The following CAND1 variants were observed in gnomAD, a reference collection of about 807,000 sequenced individuals.
CAND1 encodes cullin-associated NEDD8-dissociated protein 1.
CAND1 carries 7 observed loss-of-function variants against 108.5 expected under a neutral mutation model. The ratio of observed to expected loss-of-function variants is 0.06; its 90% CI spans 0.04 to 0.12. The LOEUF (loss-of-function observed/expected upper bound fraction) is 0.12. Ranked by LOEUF, CAND1 falls within the 10% of genes least tolerant of loss-of-function variation. The pLI is 1.00. For missense variants in CAND1, 941 were observed against 1,448.7 expected (o/e 0.65, Z 5.69); for synonymous variants, 534 against 512.0 (o/e 1.04, Z -0.58).
Position 67,292,772 on chromosome 12 carries a change from C to A in CAND1, c.363C>A (p.Ser121=). 6.2e-7 allele frequency: 1 copy of A among 1,612,882 alleles called. No homozygotes were observed. Among genetic ancestry groups the A allele is most frequent in the Non-Finnish European group, 8.5e-7 (1 of 1,179,608 alleles). The change falls in exon 3 of 15, where the codon TCC becomes TCA. Residue 121 remains serine, a synonymous_variant. Transcript: ENST00000545606. ...KTVIGELPPA[S]SGSALAANVC... is the part of the protein sequence containing the mutation. ...TAATTGGAGAACTTCCTCCAGCTTC[C>A]AGTGGTAAGCAAGAGCACATTTTTC...
chr12:67,277,886 G>T (rs1252405), intron 1 of CAND1, among the ~76,000 whole-genome samples: 74,455 of 151,832 alleles, frequency 0.49, 19,542 homozygotes, highest in Non-Finnish European at 0.59. Context: ...CTCCTAACTA[G>T]TCTCCATTCA....
intron 1 of CAND1, among the ~76,000 whole-genome samples, chr12:67,277,102 C>G (rs1159087867): frequency 6.6e-6 from 1 of 152,176 alleles, no homozygotes; most frequent in African/African-American, 2.4e-5. Flanking sequence ...CCTTTTACTT[C>G]TTTCCTGCTA....
chr12:67,288,475 A>G (rs1488007309), intron 2 of CAND1, among the ~76,000 whole-genome samples: 3 of 152,138 alleles, frequency 2.0e-5, no homozygotes, highest in Non-Finnish European at 4.4e-5. Context: ...GTTGAGAAGG[A>G]TGTTAAAACT....
At chr12:67,270,205 C>T (rs1190439142) in intron 1 of CAND1, 2 of 169,904 alleles carry the variant, frequency 1.2e-5, no homozygotes, top group Non-Finnish European at 2.5e-5. Context: ...GCCTTGCTCG[C>T]TGGGGCCCAA....
intron 4 of CAND1, 43 bp from the exon 5 acceptor site, chr12:67,297,364 G>A (rs373853939): frequency 3.8e-6 from 6 of 1,578,810 alleles, no homozygotes; most frequent in East Asian, 2.2e-5. Context: ...CAGGCATCTT[G>A]AATTCATTTG....
In CAND1 at chr12:67,298,799, T is replaced by C. The variant is rs1024140381; in HGVS notation, c.855-151T>C. The C allele has an allele frequency of 1.0e-5, 6 of 575,316 alleles. No homozygotes were observed. In the African/African-American group the frequency reaches 1.1e-4, roughly 11 times the overall value. 35.6% of individuals were successfully genotyped at this position (575,316 alleles called of 1,614,324 possible). ...AAGGTAAACCTTTTAAAATAGTAAG[T>C]CCATGGGAGAGAAAGAGCAAGAATC... is the stretch of plus-strand genomic sequence containing the variant. On this transcript the variant is annotated intron_variant, in intron 6 of 14. Transcript: ENST00000545606.
At chr12:67,312,048 G>A (rs1220195851) in intron 14 of CAND1, among the ~76,000 whole-genome samples, 1 of 152,132 alleles carries the variant, frequency 6.6e-6, no homozygotes. Flanking sequence ...TTGAAGTACT[G>A]ATATGGGATA....
chr12:67,283,935 A>G (rs79808955), intron 2 of CAND1, among the ~76,000 whole-genome samples: 2,140 of 152,268 alleles, frequency 0.014, 48 homozygotes, highest in African/African-American at 0.048. Context: ...ATATAAATAA[A>G]TAGAGTAGGA....
rs745813045 is a variant in CAND1, at chr12:67,315,558, A to T, written c.*2728A>T. ...ACTGAATGATAATTTTTTTAATGAC[A>T]GTCATGTATTTTATTAATGATATCT... On this transcript the variant is annotated 3_prime_UTR_variant, in exon 15 of 15. Transcript: ENST00000545606. The T allele has an allele frequency of 3.3e-5, 5 of 152,110 alleles. No homozygotes were observed. Among genetic ancestry groups the T allele is most frequent in the Non-Finnish European group, 7.4e-5 (5 of 68,026 alleles). 9.4% of individuals were successfully genotyped at this position (152,110 alleles called of 1,614,324 possible). A position where few individuals can be genotyped will look rare whatever the true frequency, so the allele number is the denominator to read the frequency against.
At chr12:67,309,675 T>G (rs1282925827) in intron 11 of CAND1, among the ~76,000 whole-genome samples, 1 of 151,866 alleles carries the variant, frequency 6.6e-6, no homozygotes, top group East Asian at 1.9e-4. Context: ...GTGCTGAGAG[T>G]GGATTATCAA....
intron 7 of CAND1, 46 bp downstream of exon 7, chr12:67,299,141 TTATAGA>T: frequency 6.8e-7 from 1 of 1,459,870 alleles, no homozygotes; most frequent in Non-Finnish European, 9.1e-7. Flanking sequence ...TGAAAGACAC[TTATAGA>T]TGGAGATGAT....
chr12:67,294,410 G>C (rs1326038818), intron 3 of CAND1, among the ~76,000 whole-genome samples: 2 of 151,972 alleles, frequency 1.3e-5, no homozygotes, highest in East Asian at 3.9e-4. Flanking sequence ...TTTTAAAGAA[G>C]CTGCTAAGCA....
chr12:67,297,310 T>G, intron 4 of CAND1, 97 bp from the exon 5 acceptor site: 1 of 1,141,254 alleles, frequency 8.8e-7, no homozygotes, highest in Non-Finnish European at 1.3e-6. Flanking sequence ...ATTTGTGTTC[T>G]GAATATTTGC....
intron 1 of CAND1, among the ~76,000 whole-genome samples, chr12:67,271,272 T>G (rs2044518225): frequency 6.6e-6 from 1 of 152,234 alleles, no homozygotes; most frequent in Non-Finnish European, 1.5e-5. Flanking sequence ...TTGTGTTGTT[T>G]TACGGATTGG....
chr12:67,295,220 C>A, intron 4 of CAND1, 64 bp downstream of exon 4: 2 of 1,395,470 alleles, frequency 1.4e-6, no homozygotes, highest in East Asian at 2.4e-5. Context: ...TACTAAAAAC[C>A]CTTTCTAGTA....
rs2044737312 is a variant in CAND1 at position 67,293,163 on chromosome 12, C to T, written c.367+387C>T. On this transcript the variant is annotated intron_variant, in intron 3 of 14. Transcript: ENST00000545606. ...TAATTTTACTTTGCGTCAGTATTTG[C>T]TATGTAAAATGTAACACCATTCAGA... 5 of 203,476 alleles carry T rather than the reference C, an allele frequency of 2.5e-5. No homozygotes were observed. In the South Asian group the frequency reaches 4.0e-4, roughly 16 times the overall value. The allele number at this position is 203,476 out of a possible 1,614,324, so 12.6% of individuals were successfully genotyped here. A position where few individuals can be genotyped will look rare whatever the true frequency, so the allele number is the denominator to read the frequency against.
chr12:67,311,004 T>C (rs1273826477), intron 13 of CAND1: 1 of 151,984 alleles, frequency 6.6e-6, no homozygotes, highest in Admixed American at 6.6e-5. Flanking sequence ...ATGAAAAATA[T>C]ATGCATTGTG....
intron 3 of CAND1, 95 bp from the exon 4 acceptor site, chr12:67,294,938 G>T: frequency 7.7e-7 from 1 of 1,295,464 alleles, no homozygotes. Flanking sequence ...TCATGATCAA[G>T]TGTGGAGTTG....
intron 4 of CAND1, 57 bp from the exon 5 acceptor site, chr12:67,297,350 T>C: frequency 6.6e-7 from 1 of 1,510,092 alleles, no homozygotes; most frequent in South Asian, 1.1e-5. Context: ...CATTTAGTAG[T>C]GGCCAGGCAT....
Sources: gnomAD v4.1 joint callset for allele counts (sites outside exome capture counted in the v4.1 genomes callset) on GRCh38, gnomAD v4.1.1 for gene constraint, MANE v1.5 for transcripts, NCBI Gene and HGNC (gene_info 2026-07-23, HGNC 2026-07-21) for gene names.